Variants in DOCK5 observed in about 807,000 individuals in gnomAD.
DOCK5 encodes the protein dedicator of cytokinesis protein 5.
DOCK5 carries 142 observed loss-of-function variants against 251.8 expected under a neutral mutation model. The ratio of observed to expected loss-of-function variants is 0.56; its 90% CI spans 0.49 to 0.65. DOCK5 has a LOEUF of 0.65. DOCK5 is among the 30% of genes least tolerant of loss of function. DOCK5 has a pLI of 0.00. For synonymous variants in DOCK5, 842 were observed against 835.5 expected, an observed-to-expected ratio of 1.01 and a Z score of -0.13; for missense variants, 2,111 against 2,312.3, an observed-to-expected ratio of 0.91 and a Z score of 1.79.
At position 25,320,977 on chromosome 8, in the gene DOCK5, C is replaced by T. The variant is rs1244383120; in HGVS notation, c.1543-3C>T. 1 of 1,612,050 alleles carries T rather than the reference C, an allele frequency of 6.2e-7. No homozygotes were observed. Among genetic ancestry groups the T allele is most frequent in the Admixed American group, 1.7e-5 (1 of 59,888 alleles). On this transcript the variant is annotated splice_region_variant and splice_polypyrimidine_tract_variant and intron_variant, in intron 15 of 51. Transcript: ENST00000276440. The stretch of plus-strand genomic sequence containing the variant: ...AAACTATTAATTTCTTACTATGACA[C>T]AGGTATCCATTGCTATAGAAGAAGT...
At chr8:25,270,527 C>A (rs1445065239) in intron 3 of DOCK5, among the ~76,000 whole-genome samples, 2 of 152,002 alleles carry the variant, frequency 1.3e-5, no homozygotes. Flanking sequence ...CACTTAATTC[C>A]CAATCCTTTT....
chr8:25,220,172 T>C (rs1242763805), intron 1 of DOCK5, among the ~76,000 whole-genome samples: 2 of 150,780 alleles, frequency 1.3e-5, no homozygotes, highest in African/African-American at 4.8e-5. Flanking sequence ...TTTCGTTTCG[T>C]TCCTTTCCTT....
rs1805014083 is a variant in DOCK5, at chr8:25,308,801, C to T, written c.1068C>T (p.Tyr356=). The T allele has an allele frequency of 8.7e-6, 14 of 1,613,798 alleles. No individual in the cohort carries two copies. The highest frequency in any genetic ancestry group is 1.2e-5 in the Non-Finnish European group (14 of 1,179,806). The change falls in exon 12 of 52, where the codon TAC becomes TAT. Residue 356 remains tyrosine (Y), a synonymous_variant. Coordinates refer to ENST00000276440, the MANE Select transcript of DOCK5 (RefSeq NM_024940.8). The stretch of plus-strand genomic sequence containing the variant: ...TCCCAAGAATTGCGATGGAAACCTA[C>T]ATCCGCCAGAGGCAGCTCATCATGT... ...IPFQQIAMET[Y]IRQRQLIMSP... is the part of the protein sequence containing the mutation.
At chr8:25,364,552 G>T (rs1488774065) in intron 29 of DOCK5, 74 bp from the exon 30 acceptor site, 16 of 1,147,780 alleles carry the variant, frequency 1.4e-5, no homozygotes, top group Non-Finnish European at 2.0e-5. Flanking sequence ...GTTTGGTTTA[G>T]TTCTTAATAT....
intron 46 of DOCK5, 48 bp downstream of exon 46, chr8:25,400,042 A>T (rs1467382392): frequency 1.4e-6 from 2 of 1,473,292 alleles, no homozygotes; most frequent in South Asian, 2.3e-5. Context: ...ACAGTGTGGG[A>T]CACCCATTAT....
At chr8:25,386,401 C>G (rs530736996) in intron 40 of DOCK5, among the ~76,000 whole-genome samples, 2 of 152,140 alleles carry the variant, frequency 1.3e-5, no homozygotes, top group South Asian at 4.2e-4. Context: ...TTGAGGCCAG[C>G]CTGGGCATCA....
At chr8:25,274,120 C>CA (rs1178671643) in intron 3 of DOCK5, among the ~76,000 whole-genome samples, 3 of 152,162 alleles carry the variant, frequency 2.0e-5, no homozygotes, top group Non-Finnish European at 4.4e-5. Flanking sequence ...AGAGAGAAAG[C>CA]AGAGTGTTGT....
At chr8:25,307,035 A>G (rs970975385) in intron 11 of DOCK5, among the ~76,000 whole-genome samples, 1 of 152,258 alleles carries the variant, frequency 6.6e-6, no homozygotes, top group African/African-American at 2.4e-5. Flanking sequence ...ACATATTTAA[A>G]CATAGAAAAG....
chr8:25,409,079 T>C, intron 50 of DOCK5, 139 bp downstream of exon 50: 2 of 1,301,590 alleles, frequency 1.5e-6, no homozygotes, highest in East Asian at 2.5e-5. Flanking sequence ...TCGTGTATTA[T>C]ACAGTTAGAC....
At chr8:25,351,856 C>T (rs375913397) in intron 27 of DOCK5, 30 bp downstream of exon 27, 50 of 1,592,900 alleles carry the variant, frequency 3.1e-5, no homozygotes, top group South Asian at 1.6e-4. Flanking sequence ...ATCCCACGGC[C>T]GCTGCTGTTT....
intron 34 of DOCK5, among the ~76,000 whole-genome samples, chr8:25,371,158 CTG>C (rs35817775): frequency 0.5 from 76,508 of 151,756 alleles, 19,361 homozygotes; most frequent in East Asian, 0.59. Flanking sequence ...GTGCTCCCAA[CTG>C]TATTCTTTTT....
At chr8:25,186,626 G>T (rs1344009190) in intron 1 of DOCK5, among the ~76,000 whole-genome samples, 1 of 152,046 alleles carries the variant, frequency 6.6e-6, no homozygotes. Flanking sequence ...TGATCCGCCT[G>T]CCTCGGCCTC....
Position 25,395,820 on chromosome 8 carries a change from C to G in DOCK5, c.4704+101C>G, listed in dbSNP as rs779523137. On this transcript the variant is annotated intron_variant, in intron 45 of 51. Coordinates refer to ENST00000276440, the MANE Select transcript of DOCK5 (RefSeq NM_024940.8). The stretch of plus-strand genomic sequence containing the variant: ...CTGACAAATTCATTTCCTACAGCTG[C>G]TCTAAGAAATGTTCACTTTCCCTTC... 18 of 1,311,264 alleles carry G rather than the reference C, an allele frequency of 1.4e-5. No individual in the cohort carries two copies. In the South Asian group the frequency reaches 2.1e-4, roughly 16 times the overall value. 81.2% of individuals were successfully genotyped at this position (1,311,264 alleles called of 1,614,324 possible).
At position 25,296,637 on chromosome 8, in the gene DOCK5, C is replaced by A. The variant is rs1347987240; in HGVS notation, c.595C>A (p.Gln199Lys). The change falls in exon 7 of 52, where the codon CAA (glutamine) becomes AAA (lysine). Residue 199 changes from glutamine (Q) to lysine (K), a missense_variant. Transcript: ENST00000276440. ...CTCCAAAAGGATTGAGGAAAAGATC[C>A]AAGAAGAGAAGGTACAGTTCCTCAA... ...VASKRIEEKI[Q>K]EEKSILQNLD... The A allele has an allele frequency of 6.2e-7, 1 of 1,612,614 alleles. No homozygotes were observed. Among genetic ancestry groups the A allele is most frequent in the Non-Finnish European group, 8.5e-7 (1 of 1,179,430 alleles).
chr8:25,311,895 C>T (rs1165020171), intron 13 of DOCK5, among the ~76,000 whole-genome samples: 21 of 150,848 alleles, frequency 1.4e-4, no homozygotes, highest in Admixed American at 1.4e-3. Flanking sequence ...GCAACCCAGC[C>T]TGGGCAACAG....
intron 14 of DOCK5, among the ~76,000 whole-genome samples, chr8:25,318,974 G>C (rs1445881995): frequency 6.6e-6 from 1 of 152,178 alleles, no homozygotes; most frequent in Non-Finnish European, 1.5e-5. Context: ...ATGAGCCACT[G>C]TATGAAAGTG....
chr8:25,256,638 C>CAAA (rs891243325), intron 2 of DOCK5, among the ~76,000 whole-genome samples: 31 of 48,770 alleles, frequency 6.4e-4, no homozygotes, highest in African/African-American at 1.0e-3. Flanking sequence ...ATCTCCATCT[C>CAAA]AAAAAAAAAA....
rs559868774 is a variant in DOCK5, at chr8:25,193,933, G to A, written c.43+8982G>A. On this transcript the variant is annotated intron_variant, in intron 1 of 51. Transcript: ENST00000276440. ...TAAGGTTCCATGTATATTTTAGTGA[G>A]TAGGTGAATTCGCAAATATGGAGTC... Among the ~76,000 whole-genome samples, 5 of 152,208 alleles carry A rather than the reference G, an allele frequency of 3.3e-5. No individual in the cohort carries two copies. The South Asian group carries it at 8.3e-4, about 25-fold the overall frequency.
intron 38 of DOCK5, among the ~76,000 whole-genome samples, chr8:25,379,825 C>T (rs1336102679): frequency 6.7e-6 from 1 of 149,510 alleles, no homozygotes; most frequent in Non-Finnish European, 1.5e-5. Context: ...CTTTTTCCAT[C>T]TCCACAAACA....
Sources: allele counts gnomAD v4.1 joint callset (sites outside exome capture counted in the v4.1 genomes callset), GRCh38; gene constraint gnomAD v4.1.1; transcripts MANE v1.5; gene names NCBI Gene and HGNC (gene_info 2026-07-23, HGNC 2026-07-21).